Variants in MAP3K15 observed in about 807,000 individuals in gnomAD.
MAP3K15 encodes the protein mitogen-activated protein kinase kinase kinase 15.
A neutral mutation model predicts 99.5 loss-of-function variants in MAP3K15; 124 were observed. The observed-to-expected ratio is 1.25, with a 90% CI of 1.08 to 1.45. The LOEUF (loss-of-function observed/expected upper bound fraction) is 1.45, where lower values mean the gene tolerates loss of function less well. Among genes scored for constraint, MAP3K15 ranks in the 40% most tolerant of loss-of-function variants. MAP3K15 has a pLI of 0.00. For missense variants in MAP3K15, 1,242 were observed against 1,079.7 expected (o/e 1.15, Z -2.11); for synonymous variants, 494 against 439.6 (o/e 1.12, Z -1.55).
At chrX:19,375,968 G>A (rs1234959489) in intron 19 of MAP3K15, among the ~76,000 whole-genome samples, 2 of 112,389 alleles carry the variant, frequency 1.8e-5, no homozygotes, top group Admixed American at 1.9e-4. Flanking sequence ...CGGTAGGGAG[G>A]TTAAGCTGGC....
In MAP3K15 at chrX:19,442,694, TTTA is replaced by T. The variant is rs769205663; in HGVS notation, c.996-11089_996-11087del. ...ATGTATTACCATGCCTGGCTTTTAT[TTTA>T]TTATTATTATTATTATTATCATTAT... On this transcript the variant is annotated intron_variant, in intron 6 of 28. Coordinates refer to ENST00000338883, the MANE Select transcript of MAP3K15 (RefSeq NM_001001671.4). Among the ~76,000 whole-genome samples, 579 of 101,276 alleles carry T rather than the reference TTTA, an allele frequency of 5.7e-3. 8 individuals are homozygous for T. The highest frequency in any genetic ancestry group is 0.02 in the African/African-American group (522 of 26,683). The allele number at this position is 101,276 out of a possible 115,157, so 87.9% of individuals were successfully genotyped here. A position where few individuals can be genotyped will look rare whatever the true frequency, so the allele number is the denominator to read the frequency against.
chrX:19,368,929 A>C, intron 25 of MAP3K15, 125 bp downstream of exon 25: 1 of 704,383 alleles, frequency 1.4e-6, no homozygotes, highest in Non-Finnish European at 1.9e-6. Context: ...TTCGTGGATG[A>C]TGAAGCTGCT....
At chrX:19,468,855 AG>A (rs1359747289) in intron 3 of MAP3K15, among the ~76,000 whole-genome samples, 1 of 111,123 alleles carries the variant, frequency 9.0e-6, no homozygotes, top group Non-Finnish European at 1.9e-5. Flanking sequence ...TTGGATTCCT[AG>A]GTATTTTATT....
chrX:19,500,461 A>G (rs2064433882), intron 1 of MAP3K15, among the ~76,000 whole-genome samples: 2 of 110,418 alleles, frequency 1.8e-5, no homozygotes, highest in Admixed American at 9.7e-5. Context: ...TCCCCTCCCT[A>G]TCTGTGTCCA....
At position 19,379,970 on chromosome X, in the gene MAP3K15, C is replaced by A; in HGVS notation, c.2589+150G>T. 5.2e-6 allele frequency: 3 copies of A among 575,290 alleles called. No individual in the cohort carries two copies. In the South Asian group the frequency reaches 1.1e-4, roughly 20 times the overall value. The allele number at this position is 575,290 out of a possible 1,213,427, so 47.4% of individuals were successfully genotyped here. On this transcript the variant is annotated intron_variant, in intron 19 of 28. Coordinates refer to ENST00000338883, the MANE Select transcript of MAP3K15 (RefSeq NM_001001671.4). Reference sequence around the variant, plus strand: ...CAGTCTCAGTGGATTGCCTGTGATGCACCTCGCATTCTGGTTTAATGCTTA... The same window carrying A: ...CAGTCTCAGTGGATTGCCTGTGATGAACCTCGCATTCTGGTTTAATGCTTA...
intron 6 of MAP3K15, among the ~76,000 whole-genome samples, chrX:19,438,015 G>C (rs776073847): frequency 8.9e-6 from 1 of 112,467 alleles, no homozygotes; most frequent in East Asian, 2.8e-4. Flanking sequence ...CCGGAATATG[G>C]ACGGGACAAG....
chrX:19,477,262 T>C (rs2064249326), intron 3 of MAP3K15, among the ~76,000 whole-genome samples: 1 of 111,544 alleles, frequency 9.0e-6, no homozygotes, highest in African/African-American at 3.3e-5. Flanking sequence ...AAAAGTTTTA[T>C]GGTTCACAGA....
rs373891090 is a variant in MAP3K15, at chrX:19,456,895, G to T, written c.995+18C>A. The stretch of plus-strand genomic sequence containing the variant: ...GGGTGGCATGTTTCAAAACCTGTAC[G>T]TACATTATCGTTCTTACCTATTCAG... On this transcript the variant is annotated intron_variant, in intron 6 of 28. Coordinates refer to ENST00000338883, the MANE Select transcript of MAP3K15 (RefSeq NM_001001671.4). 2.4e-5 allele frequency: 27 copies of T among 1,110,671 alleles called. No individual in the cohort carries two copies. In the African/African-American group the frequency reaches 4.5e-4, roughly 19 times the overall value. 91.5% of individuals were successfully genotyped at this position (1,110,671 alleles called of 1,213,427 possible).
intron 3 of MAP3K15, among the ~76,000 whole-genome samples, chrX:19,484,950 C>T (rs2064312964): frequency 9.0e-6 from 1 of 111,516 alleles, no homozygotes; most frequent in Non-Finnish European, 1.9e-5. Context: ...GCTACAACTG[C>T]ACCTCCTGGG....
chrX:19,432,100 A>G (rs1376699538), intron 6 of MAP3K15, among the ~76,000 whole-genome samples: 1 of 110,932 alleles, frequency 9.0e-6, no homozygotes, highest in Non-Finnish European at 1.9e-5. Flanking sequence ...CCACACCAGT[A>G]AACCTTATAC....
At position 19,515,015 on chromosome X, in the gene MAP3K15, C is replaced by T; in HGVS notation, c.247G>A (p.Ala83Thr). The change falls in exon 1 of 29, where the codon GCG (alanine) becomes ACG (threonine). Residue 83 changes from alanine (A) to threonine (T), a missense_variant. Ala to Thr is a moderately conservative substitution (Grantham distance 58). Coordinates refer to ENST00000338883, the MANE Select transcript of MAP3K15 (RefSeq NM_001001671.4). Reference protein sequence around the residue: ...GGAAGGPEAGARQCLLRACEA... With the variant: ...GGAAGGPEAGTRQCLLRACEA... The stretch of plus-strand genomic sequence containing the variant: ...CAGGCCCGCAGCAGGCACTGCCGCG[C>T]CCCAGCCTCCGGGCCGCCGGCCGCG... 9.2e-7 allele frequency: 1 copy of T among 1,084,875 alleles called. No individual in the cohort carries two copies. 89.4% of individuals were successfully genotyped at this position (1,084,875 alleles called of 1,213,427 possible).
intron 9 of MAP3K15, among the ~76,000 whole-genome samples, chrX:19,416,444 G>T (rs921962694): frequency 1.8e-5 from 2 of 111,903 alleles, no homozygotes; most frequent in Admixed American, 9.5e-5. Context: ...ATCACTCACG[G>T]TTCTCGTGCA....
chrX:19,484,458 G>C (rs2064310337), intron 3 of MAP3K15, among the ~76,000 whole-genome samples: 1 of 111,973 alleles, frequency 8.9e-6, no homozygotes, highest in African/African-American at 3.2e-5. Context: ...TTTAGAGTAA[G>C]TTTATTCCTA....
chrX:19,486,540 T>G, intron 2 of MAP3K15, 35 bp from the exon 3 acceptor site: 1 of 765,604 alleles, frequency 1.3e-6, no homozygotes, highest in Non-Finnish European at 1.8e-6. Flanking sequence ...TATAGCTTTT[T>G]GTAAAACAGC....
At chrX:19,461,230 C>T (rs755422065) in intron 4 of MAP3K15, among the ~76,000 whole-genome samples, 6 of 112,191 alleles carry the variant, frequency 5.3e-5, no homozygotes, top group East Asian at 2.8e-4. Context: ...CCACCCGCCT[C>T]GGCCTCCCAA....
chrX:19,380,362 G>A, intron 18 of MAP3K15, 85 bp from the exon 19 acceptor site: 1 of 1,003,983 alleles, frequency 1.0e-6, no homozygotes, highest in East Asian at 3.2e-5. Context: ...TCGGGAGGCT[G>A]AGGCAGGAGG....
chrX:19,362,857 T>TAAAAA lies in MAP3K15; in HGVS notation c.3567-12_3567-8dup. 1 of 786,985 alleles carries TAAAAA rather than the reference T, an allele frequency of 1.3e-6. No homozygotes were observed. The highest frequency in any genetic ancestry group is 1.8e-6 in the Non-Finnish European group (1 of 551,975). 64.9% of individuals were successfully genotyped at this position (786,985 alleles called of 1,213,427 possible). A position where few individuals can be genotyped will look rare whatever the true frequency, so the allele number is the denominator to read the frequency against. On this transcript the variant is annotated splice_region_variant and splice_polypyrimidine_tract_variant and intron_variant, in intron 25 of 28. Transcript: ENST00000338883. ...AACTAGGTGTTCCAAAAGTCTGGTTTAAAAAAAAAAAAAAAAAGCCATTAT... is the reference window on the plus strand; with the variant it reads ...AACTAGGTGTTCCAAAAGTCTGGTTTAAAAAAAAAAAAAAAAAAAAAAGCCATTAT...
intron 25 of MAP3K15, among the ~76,000 whole-genome samples, chrX:19,363,599 T>G (rs1674832399): frequency 9.0e-6 from 1 of 111,005 alleles, no homozygotes; most frequent in Admixed American, 9.5e-5. Context: ...GTTTCTTTCC[T>G]CCTCACACAG....
At chrX:19,429,801 A>G (rs2063865922) in intron 7 of MAP3K15, among the ~76,000 whole-genome samples, 1 of 93,417 alleles carries the variant, frequency 1.1e-5, no homozygotes, top group African/African-American at 4.7e-5. Context: ...AGAGAGAGAG[A>G]GAGAGAGAGA....
Sources: allele counts gnomAD v4.1 joint callset (sites outside exome capture counted in the v4.1 genomes callset), GRCh38; gene constraint gnomAD v4.1.1; transcripts MANE v1.5; gene names NCBI Gene and HGNC (gene_info 2026-07-23, HGNC 2026-07-21).